THSD4: variants seen among roughly 807,000 people sequenced by gnomAD.
The protein encoded by THSD4 is thrombospondin type-1 domain-containing protein 4.
In THSD4, 69 loss-of-function variants were observed where a neutral mutation model predicts 119.0. The ratio of observed to expected loss-of-function variants is 0.58; its 90% confidence interval spans 0.48 to 0.71. The LOEUF (loss-of-function observed/expected upper bound fraction) is 0.71, where lower values mean the gene tolerates loss of function less well. Among genes scored for constraint, THSD4 ranks in the 30% least tolerant of loss-of-function variants. The pLI is 0.00. For synonymous variants in THSD4, 524 were observed against 540.4 expected, an observed-to-expected ratio of 0.97 and a Z score of 0.42; for missense variants, 1,393 against 1,391.1, an observed-to-expected ratio of 1.00 and a Z score of -0.02.
At chr15:71,708,956 C>G (rs189422700) in intron 8 of THSD4, among the ~76,000 whole-genome samples, 2 of 152,346 alleles carry the variant, frequency 1.3e-5, no homozygotes, top group East Asian at 3.9e-4. Context: ...CGAAGCAGCG[C>G]TAAGCCGAGG....
intron 7 of THSD4, among the ~76,000 whole-genome samples, chr15:71,484,243 A>T (rs566843806): frequency 6.6e-6 from 1 of 152,310 alleles, no homozygotes; most frequent in East Asian, 1.9e-4. Context: ...TGACTCCACC[A>T]GCATAGTTGA....
At chr15:71,237,032 G>C (rs959432750) in intron 4 of THSD4, among the ~76,000 whole-genome samples, 1 of 152,226 alleles carries the variant, frequency 6.6e-6, no homozygotes, top group Non-Finnish European at 1.5e-5. Context: ...GGAGAATAAA[G>C]TCCCTTGGCC....
intron 7 of THSD4, among the ~76,000 whole-genome samples, chr15:71,534,953 C>T (rs12324811): frequency 0.21 from 31,788 of 152,050 alleles, 3,513 homozygotes; most frequent in Non-Finnish European, 0.25. Flanking sequence ...AGCGAGACTC[C>T]GTCTCAAAAA....
intron 7 of THSD4, among the ~76,000 whole-genome samples, chr15:71,638,914 G>A (rs2050802158): frequency 6.6e-6 from 1 of 152,146 alleles, no homozygotes; most frequent in Admixed American, 6.5e-5. Flanking sequence ...TGGTCCCTCA[G>A]GGACCCAGGT....
chr15:71,238,845 A>G (rs530117630), intron 4 of THSD4, among the ~76,000 whole-genome samples: 3 of 152,330 alleles, frequency 2.0e-5, no homozygotes, highest in African/African-American at 7.2e-5. Context: ...GTAACACTAC[A>G]TTTAGTCTTT....
chr15:71,319,409 C>T (rs905281406), intron 6 of THSD4, among the ~76,000 whole-genome samples: 1 of 144,708 alleles, frequency 6.9e-6, no homozygotes, highest in Admixed American at 6.9e-5. Flanking sequence ...TCCCCCCACC[C>T]CACAACAGGT....
chr15:71,394,123 T>C (rs944428924), intron 6 of THSD4, among the ~76,000 whole-genome samples: 3 of 151,754 alleles, frequency 2.0e-5, no homozygotes, highest in Non-Finnish European at 1.5e-5. Flanking sequence ...TCCCATTCAA[T>C]GTGTGCTGCA....
At chr15:71,654,021 C>T (rs1042085926) in intron 7 of THSD4, among the ~76,000 whole-genome samples, 1 of 152,176 alleles carries the variant, frequency 6.6e-6, no homozygotes, top group Non-Finnish European at 1.5e-5. Flanking sequence ...CTGTAAAGGG[C>T]CAGATCTAAA....
At chr15:71,696,101 G>A (rs978940810) in intron 8 of THSD4, among the ~76,000 whole-genome samples, 3 of 152,104 alleles carry the variant, frequency 2.0e-5, no homozygotes, top group Non-Finnish European at 4.4e-5. Context: ...CCTGTTTATG[G>A]TACCTTTTCT....
chr15:71,389,852 C>T (rs1425697197), intron 6 of THSD4, among the ~76,000 whole-genome samples: 2 of 122,528 alleles, frequency 1.6e-5, no homozygotes, highest in Admixed American at 2.1e-4. Flanking sequence ...CTCTGTCACT[C>T]AGGCTGGAAT....
rs913763033 is a variant in THSD4, at chr15:71,778,320, G to C, written c.*946G>C. The stretch of plus-strand genomic sequence containing the variant: ...CTTACCCCCAAAGTTACAGATCCTA[G>C]TTACAGGACTCTGCCAGCTTTGTTA... On this transcript the variant is annotated 3_prime_UTR_variant, in exon 18 of 18. Transcript: ENST00000261862. 2.6e-5 allele frequency: 4 copies of C among 152,234 alleles called. No homozygotes were observed. Among genetic ancestry groups the C allele is most frequent in the Non-Finnish European group, 5.9e-5 (4 of 68,060 alleles). The allele number at this position is 152,234 out of a possible 1,614,324, so 9.4% of individuals were successfully genotyped here.
chr15:71,368,202 A>G (rs1008564807), intron 6 of THSD4, among the ~76,000 whole-genome samples: 25 of 152,122 alleles, frequency 1.6e-4, no homozygotes, highest in African/African-American at 5.8e-4. Flanking sequence ...TCAGATGAGT[A>G]GATTGCAAAA....
intron 6 of THSD4, among the ~76,000 whole-genome samples, chr15:71,265,768 G>C (rs370476036): frequency 2.6e-5 from 4 of 152,192 alleles, no homozygotes; most frequent in African/African-American, 7.2e-5. Flanking sequence ...AGCTTTGTGG[G>C]GGGGGAGGGG....
rs563346513 is a variant in THSD4 at position 71,303,932 on chromosome 15, C to T, written c.1015+47217C>T. ...AAGGACCCCTTTGCCTAGCCCAAAG[C>T]AGGCCTCTTTGGTTGCTTTTCTCTG... On this transcript the variant is annotated intron_variant, in intron 6 of 17. Transcript: ENST00000261862. 3.9e-5 allele frequency among the ~76,000 whole-genome samples: 6 copies of T among 152,318 alleles called. No individual in the cohort carries two copies. In the South Asian group the frequency reaches 1.0e-3, roughly 26 times the overall value.
chr15:71,448,652 G>GA (rs1028018153), intron 7 of THSD4, among the ~76,000 whole-genome samples: 1 of 152,180 alleles, frequency 6.6e-6, no homozygotes, highest in African/African-American at 2.4e-5. Flanking sequence ...ACATCATGGA[G>GA]AATGGGGTAT....
At chr15:71,587,608 C>G (rs1472952969) in intron 7 of THSD4, among the ~76,000 whole-genome samples, 6 of 117,438 alleles carry the variant, frequency 5.1e-5, no homozygotes, top group African/African-American at 1.7e-4. Context: ...GAATATCACA[C>G]TCTGGGGACT....
At chr15:71,562,710 T>C (rs1567038084) in intron 7 of THSD4, among the ~76,000 whole-genome samples, 1 of 149,932 alleles carries the variant, frequency 6.7e-6, no homozygotes, top group Non-Finnish European at 1.5e-5. Context: ...TTTTTTTTTT[T>C]TTCTTTTCTG....
Position 71,164,688 on chromosome 15 carries a change from T to C in THSD4, c.99+9756T>C, listed in dbSNP as rs1596234333. Reference sequence around the variant, plus strand: ...ATCTTACACAGCCTTACATTTCAGTTTTTTTCTTTAAAAGGAGTGAGTTGT... The same window carrying C: ...ATCTTACACAGCCTTACATTTCAGTCTTTTTCTTTAAAAGGAGTGAGTTGT... On this transcript the variant is annotated intron_variant, in intron 3 of 17. Transcript: ENST00000261862. The C allele has an allele frequency of 3.9e-6, 6 of 1,524,788 alleles. No homozygotes were observed. In the East Asian group the frequency reaches 1.4e-4, roughly 34 times the overall value. 94.5% of individuals were successfully genotyped at this position (1,524,788 alleles called of 1,614,324 possible).
intron 6 of THSD4, among the ~76,000 whole-genome samples, chr15:71,318,692 A>C (rs921078802): frequency 6.6e-6 from 1 of 152,114 alleles, no homozygotes; most frequent in Non-Finnish European, 1.5e-5. Context: ...GGATCATTTC[A>C]TTCTGGGTTG....
Sources: gnomAD v4.1 joint callset for allele counts (sites outside exome capture counted in the v4.1 genomes callset) on GRCh38, gnomAD v4.1.1 for gene constraint, MANE v1.5 for transcripts, NCBI Gene and HGNC (gene_info 2026-07-23, HGNC 2026-07-21) for gene names.